Variants in EXOC4 observed in about 807,000 individuals in gnomAD.
EXOC4 encodes SEC8-like 1.
Under a neutral mutation model 107.2 loss-of-function variants are expected in EXOC4, and 71 were observed. That is an observed-to-expected ratio of 0.66 (90% CI 0.55 to 0.81). The LOEUF (loss-of-function observed/expected upper bound fraction) is 0.81. Among genes scored for constraint, EXOC4 ranks in the 30% least tolerant of loss-of-function variants. The pLI is 0.00. For missense variants in EXOC4, 1,108 were observed against 1,189.6 expected (o/e 0.93, Z 1.01); for synonymous variants, 456 against 441.2 (o/e 1.03, Z -0.42).
At chr7:133,917,825 A>G (rs973254267) in intron 13 of EXOC4, 87 bp downstream of exon 13, 13 of 1,303,336 alleles carry the variant, frequency 1.0e-5, no homozygotes, top group African/African-American at 9.0e-5. Context: ...AATTTAGGCA[A>G]ATTCTAAAAA....
chr7:133,305,478 G>C (rs995555561), intron 3 of EXOC4, among the ~76,000 whole-genome samples: 1 of 152,174 alleles, frequency 6.6e-6, no homozygotes, highest in South Asian at 2.1e-4. Flanking sequence ...CATTTATATA[G>C]TGTGCTTTTT....
chr7:133,759,998 C>T (rs181000466), intron 10 of EXOC4, among the ~76,000 whole-genome samples: 27 of 152,248 alleles, frequency 1.8e-4, no homozygotes, highest in East Asian at 3.9e-4. Flanking sequence ...CACGTCAGCA[C>T]GAGTTTGGCC....
intron 15 of EXOC4, among the ~76,000 whole-genome samples, chr7:133,997,853 GT>G (rs1350165671): frequency 6.6e-6 from 1 of 152,106 alleles, no homozygotes; most frequent in Non-Finnish European, 1.5e-5. Context: ...ATGAAATCAG[GT>G]CACCTAGATT....
At chr7:133,423,853 G>T (rs144700112) in intron 7 of EXOC4, among the ~76,000 whole-genome samples, 2 of 152,176 alleles carry the variant, frequency 1.3e-5, no homozygotes, top group African/African-American at 4.8e-5. Context: ...GCCAGCTGGC[G>T]CCTGCTGGAC....
At chr7:133,950,219 T>C (rs1306413596) in intron 14 of EXOC4, among the ~76,000 whole-genome samples, 2 of 152,208 alleles carry the variant, frequency 1.3e-5, no homozygotes, top group Admixed American at 1.3e-4. Context: ...TCAGTAAATA[T>C]AGACTGTCTT....
chr7:133,295,624 T>C (rs571955467), intron 3 of EXOC4, among the ~76,000 whole-genome samples: 1 of 152,276 alleles, frequency 6.6e-6, no homozygotes, highest in African/African-American at 2.4e-5. Context: ...TTTCTGTGAG[T>C]GCTTAGATAG....
intron 5 of EXOC4, among the ~76,000 whole-genome samples, chr7:133,349,395 T>C (rs948197805): frequency 6.6e-6 from 1 of 152,210 alleles, no homozygotes; most frequent in Non-Finnish European, 1.5e-5. Context: ...GGCATATAAG[T>C]AGAAACATAC....
intron 7 of EXOC4, among the ~76,000 whole-genome samples, chr7:133,384,810 G>C (rs1054514810): frequency 1.9e-4 from 27 of 141,488 alleles, no homozygotes; most frequent in African/African-American, 6.9e-4. Context: ...TAGTTCTTCT[G>C]ATTTTTTTTT....
At chr7:133,949,539 T>A (rs1366273536) in intron 14 of EXOC4, among the ~76,000 whole-genome samples, 2 of 152,232 alleles carry the variant, frequency 1.3e-5, no homozygotes, top group Non-Finnish European at 2.9e-5. Flanking sequence ...AGAAAGATGA[T>A]GCTGGAAAAC....
At chr7:133,997,034 A>G (rs766141014) in intron 14 of EXOC4, among the ~76,000 whole-genome samples, 2 of 152,186 alleles carry the variant, frequency 1.3e-5, no homozygotes, top group Non-Finnish European at 2.9e-5. Flanking sequence ...AAGATGGTCA[A>G]ATCTTTCGGA....
intron 11 of EXOC4, among the ~76,000 whole-genome samples, chr7:133,861,453 C>T (rs963301553): frequency 3.3e-5 from 5 of 152,112 alleles, no homozygotes; most frequent in African/African-American, 1.2e-4. Flanking sequence ...GAAACAAAAA[C>T]GGAAACTCCT....
At chr7:133,543,211 A>T (rs1196819437) in intron 9 of EXOC4, among the ~76,000 whole-genome samples, 1 of 152,004 alleles carries the variant, frequency 6.6e-6, no homozygotes, top group East Asian at 1.9e-4. Flanking sequence ...CTTTGTGTAT[A>T]AGTTGAGTGT....
chr7:134,015,962 T>G (rs1298835365), intron 17 of EXOC4, among the ~76,000 whole-genome samples: 1 of 151,720 alleles, frequency 6.6e-6, no homozygotes, highest in Non-Finnish European at 1.5e-5. Flanking sequence ...GAGACATATT[T>G]GAGAAGTGTG....
chr7:133,971,361 T>TATATATATATAGAG (rs1489958236), intron 14 of EXOC4, among the ~76,000 whole-genome samples: 25 of 75,052 alleles, frequency 3.3e-4, no homozygotes, highest in East Asian at 4.7e-4. Flanking sequence ...TATATATATA[T>TATATATATATAGAG]AGAGAGAGAG....
intron 14 of EXOC4, among the ~76,000 whole-genome samples, chr7:133,958,121 A>AC (rs1800859974): frequency 6.6e-6 from 1 of 152,214 alleles, no homozygotes; most frequent in South Asian, 2.1e-4. Context: ...GGCACTTAGT[A>AC]AATGTTTTAT....
intron 14 of EXOC4, among the ~76,000 whole-genome samples, chr7:133,996,479 T>C (rs1257675610): frequency 6.6e-6 from 1 of 152,212 alleles, no homozygotes; most frequent in Non-Finnish European, 1.5e-5. Flanking sequence ...GTTTTTTGTT[T>C]TTGTTCAGCT....
At chr7:133,531,217 T>C (rs977530890) in intron 9 of EXOC4, among the ~76,000 whole-genome samples, 3 of 152,190 alleles carry the variant, frequency 2.0e-5, no homozygotes, top group East Asian at 1.9e-4. Context: ...ATATTATCTT[T>C]ATAAGACATG....
chr7:133,323,846 T>C (rs974686349), intron 5 of EXOC4, among the ~76,000 whole-genome samples: 1 of 152,154 alleles, frequency 6.6e-6, no homozygotes, highest in Non-Finnish European at 1.5e-5. Flanking sequence ...ATCCTGGACT[T>C]TTTTTTCGTT....
At chr7:133,907,792 G>A (rs115249640) in intron 12 of EXOC4, among the ~76,000 whole-genome samples, 223 of 149,506 alleles carry the variant, frequency 1.5e-3, no homozygotes, top group African/African-American at 5.2e-3. Context: ...TGAGGACTCG[G>A]TCTGGAAAGA....
Sources: gnomAD v4.1 joint callset for allele counts (sites outside exome capture counted in the v4.1 genomes callset) on GRCh38, gnomAD v4.1.1 for gene constraint, MANE v1.5 for transcripts, NCBI Gene and HGNC (gene_info 2026-07-23, HGNC 2026-07-21) for gene names.